Variants in XYLT1 observed in about 807,000 individuals in gnomAD.
XYLT1 encodes xylosyltransferase 1.
Under a neutral mutation model 91.3 loss-of-function variants are expected in XYLT1, and 36 were observed. That is an observed-to-expected ratio of 0.39 (90% CI 0.30 to 0.52). XYLT1 has a LOEUF of 0.52. Ranked by LOEUF, XYLT1 falls within the 20% of genes least tolerant of loss-of-function variation. The probability of loss-of-function intolerance (pLI) is 0.68; values close to 1 mark genes in which losing one functional copy is unlikely to be tolerated. For synonymous variants in XYLT1, 588 were observed against 532.0 expected (o/e 1.11, Z -1.45); for missense variants, 1,242 against 1,284.5 (o/e 0.97, Z 0.51).
chr16:17,369,844 G>GA (rs1214928600), intron 1 of XYLT1: 1 of 152,222 alleles, frequency 6.6e-6, no homozygotes, highest in Non-Finnish European at 1.5e-5. Flanking sequence ...AGCTGCCTGT[G>GA]AACAGCCTGG....
intron 3 of XYLT1, among the ~76,000 whole-genome samples, chr16:17,206,045 G>C (rs1013063154): frequency 4.6e-5 from 7 of 152,168 alleles, no homozygotes; most frequent in African/African-American, 1.7e-4. Context: ...CTGGGATTCA[G>C]AGCTGGGGTG....
chr16:17,470,526 GTCCTCCTCCTCCTCCGCCGCCGCC>G lies in XYLT1; in HGVS notation c.247_270del (p.Gly83_Gly90del), dbSNP rs2036973397. ...CCCCGCGCCCGCGCCTGGGGCCCCCGTCCTCCTCCTCCTCCGCCGCCGCCTCCTCCTCCTCCTCGGGCTGCAGCC... is the reference window on the plus strand; with the variant it reads ...CCCCGCGCCCGCGCCTGGGGCCCCCGTCCTCCTCCTCCTCGGGCTGCAGCC... On this transcript the variant is annotated inframe_deletion, in exon 1 of 12. Coordinates refer to ENST00000261381, the MANE Select transcript of XYLT1 (RefSeq NM_022166.4). 4 of 1,225,862 alleles carry G rather than the reference GTCCTCCTCCTCCTCCGCCGCCGCC, an allele frequency of 3.3e-6. No homozygotes were observed. Among genetic ancestry groups the G allele is most frequent in the Non-Finnish European group, 4.1e-6 (4 of 984,956 alleles). The allele number at this position is 1,225,862 out of a possible 1,614,324, so 75.9% of individuals were successfully genotyped here.
At chr16:17,289,825 G>A (rs182549413) in intron 2 of XYLT1, among the ~76,000 whole-genome samples, 1 of 152,304 alleles carries the variant, frequency 6.6e-6, no homozygotes, top group African/African-American at 2.4e-5. Flanking sequence ...GTGATGCAGA[G>A]GAAAGTCTAA....
In XYLT1 at chr16:17,104,854, C is replaced by G. The variant is rs1966752852; in HGVS notation, c.*3841G>C. ...TAAGACCACAGTCCCCATCCTTGCCCCCACCATGCCCTTTTGCCTCACACC... is the reference window on the plus strand; with the variant it reads ...TAAGACCACAGTCCCCATCCTTGCCGCCACCATGCCCTTTTGCCTCACACC... On this transcript the variant is annotated 3_prime_UTR_variant, in exon 12 of 12. Transcript: ENST00000261381. The G allele has an allele frequency of 6.6e-6, 1 of 152,214 alleles. No homozygotes were observed. Among genetic ancestry groups the G allele is most frequent in the Non-Finnish European group, 1.5e-5 (1 of 68,068 alleles). The allele number at this position is 152,214 out of a possible 1,614,324, so 9.4% of individuals were successfully genotyped here.
chr16:17,143,958 C>T (rs1391570469), intron 6 of XYLT1, among the ~76,000 whole-genome samples: 3 of 152,204 alleles, frequency 2.0e-5, no homozygotes, highest in Admixed American at 6.5e-5. Context: ...ATTATCACTA[C>T]CACCATCACC....
At chr16:17,400,622 A>AG (rs779262434) in intron 1 of XYLT1, among the ~76,000 whole-genome samples, 2,416 of 121,706 alleles carry the variant, frequency 0.02, 41 homozygotes, top group African/African-American at 0.031. Flanking sequence ...GGAGGGAGGG[A>AG]GGAAGGGAGG....
At chr16:17,220,216 T>C (rs1413189307) in intron 3 of XYLT1, among the ~76,000 whole-genome samples, 1 of 152,198 alleles carries the variant, frequency 6.6e-6, no homozygotes, top group Non-Finnish European at 1.5e-5. Context: ...GGTGTACCAA[T>C]GTGTAAACCT....
intron 5 of XYLT1, among the ~76,000 whole-genome samples, chr16:17,172,681 C>T (rs1409633315): frequency 1.3e-5 from 2 of 152,128 alleles, no homozygotes; most frequent in South Asian, 2.1e-4. Context: ...CCATGTTGGC[C>T]AGGCTGGTCT....
At chr16:17,151,931 G>A (rs1159521953) in intron 6 of XYLT1, among the ~76,000 whole-genome samples, 1 of 152,172 alleles carries the variant, frequency 6.6e-6, no homozygotes, top group African/African-American at 2.4e-5. Flanking sequence ...TCCTGAGGCT[G>A]GAGTACCTGG....
chr16:17,195,533 C>T (rs1446349514), intron 5 of XYLT1, among the ~76,000 whole-genome samples: 2 of 152,180 alleles, frequency 1.3e-5, no homozygotes, highest in South Asian at 2.1e-4. Context: ...ACAACCTCCA[C>T]CTCCTGGGTT....
intron 2 of XYLT1, among the ~76,000 whole-genome samples, chr16:17,262,918 C>G (rs777561913): frequency 6.6e-5 from 10 of 152,174 alleles, no homozygotes; most frequent in African/African-American, 9.7e-5. Flanking sequence ...GAGTCAGGTA[C>G]AGGAGCCAAT....
intron 2 of XYLT1, among the ~76,000 whole-genome samples, chr16:17,264,449 A>G (rs1258869381): frequency 6.6e-6 from 1 of 152,224 alleles, no homozygotes; most frequent in Non-Finnish European, 1.5e-5. Flanking sequence ...TGTATATGCC[A>G]CATTTTCTTT....
At chr16:17,428,629 T>C (rs1302686900) in intron 1 of XYLT1, among the ~76,000 whole-genome samples, 1 of 152,236 alleles carries the variant, frequency 6.6e-6, no homozygotes, top group Non-Finnish European at 1.5e-5. Flanking sequence ...TTGTCATCAA[T>C]GTGTCTGAGC....
intron 2 of XYLT1, among the ~76,000 whole-genome samples, chr16:17,283,873 T>C (rs1331012872): frequency 6.6e-6 from 1 of 152,186 alleles, no homozygotes; most frequent in Non-Finnish European, 1.5e-5. Context: ...CAACCATGAA[T>C]TAGGACTCTC....
chr16:17,466,789 T>C (rs1316720483), intron 1 of XYLT1, among the ~76,000 whole-genome samples: 2 of 152,154 alleles, frequency 1.3e-5, no homozygotes. Context: ...GATAAACAGA[T>C]GGCAACATTT....
chr16:17,399,281 T>G (rs560501442), intron 1 of XYLT1, among the ~76,000 whole-genome samples: 4 of 152,056 alleles, frequency 2.6e-5, no homozygotes, highest in Non-Finnish European at 5.9e-5. Context: ...TCGAGGCTCC[T>G]CCCCACAAAG....
At chr16:17,200,844 A>AG (rs2032527546) in intron 3 of XYLT1, among the ~76,000 whole-genome samples, 190 bp from the exon 4 acceptor site, 1 of 152,212 alleles carries the variant, frequency 6.6e-6, no homozygotes, top group South Asian at 2.1e-4. Context: ...AAAAGGGGTT[A>AG]GGGGACCCTG....
rs183079044 is a variant in XYLT1, at chr16:17,365,576, C to T, written c.364-7526G>A. On this transcript the variant is annotated intron_variant, in intron 1 of 11. Transcript: ENST00000261381. ...GGGGATTCTCAATGTTTTACAGAAA[C>T]GTTGGCAGTTAAAACTGGGTGTATT... 1.4e-3 allele frequency among the ~76,000 whole-genome samples: 206 copies of T among 152,212 alleles called. 1 individual carries two copies. Among genetic ancestry groups the T allele is most frequent in the East Asian group, 0.012 (63 of 5,182 alleles).
rs74989643 is a variant in XYLT1, at chr16:17,241,316, G to T, written c.913+17672C>A. ...AGGTTAATTGCTCTTTGAGGTTTAG[G>T]CTGAGAAAGCAATGGCAACAGCACC... is the stretch of plus-strand genomic sequence containing the variant. On this transcript the variant is annotated intron_variant, in intron 3 of 11. Coordinates refer to ENST00000261381, the MANE Select transcript of XYLT1 (RefSeq NM_022166.4). Among the ~76,000 whole-genome samples the T allele has an allele frequency of 3.9e-3, 597 of 152,336 alleles. 3 individuals carry two copies. The highest frequency in any genetic ancestry group is 0.014 in the African/African-American group (575 of 41,564).
Sources: gnomAD v4.1 joint callset for allele counts (sites outside exome capture counted in the v4.1 genomes callset) on GRCh38, gnomAD v4.1.1 for gene constraint, MANE v1.5 for transcripts, NCBI Gene and HGNC (gene_info 2026-07-23, HGNC 2026-07-21) for gene names.